HIBCH: variants seen among roughly 807,000 people sequenced by gnomAD.
The protein encoded by HIBCH is 3-hydroxyisobutyryl-CoA hydrolase, also known as 3-hydroxyisobutyryl-CoA hydrolase, mitochondrial.
Under a neutral mutation model 58.2 loss-of-function variants are expected in HIBCH, and 50 were observed. That is an observed-to-expected ratio of 0.86 (90% CI 0.68 to 1.09). The LOEUF is 1.09. Ranked by LOEUF, HIBCH falls within the 50% of genes least tolerant of loss-of-function variation. The pLI, the probability that HIBCH is intolerant of heterozygous loss-of-function variation, is 0.00. For missense variants in HIBCH, 450 were observed against 449.7 expected (o/e 1.00, Z -0.01); for synonymous variants, 151 against 146.9 (o/e 1.03, Z -0.20).
rs377280128 is a variant in HIBCH, at chr2:190,250,842, C to G, written c.664-1116G>C. ...CTCATCAACATAAAAATTTCCACAGCCAATTTATAAAGTTTATGAAGAGAA... is the reference window on the plus strand; with the variant it reads ...CTCATCAACATAAAAATTTCCACAGGCAATTTATAAAGTTTATGAAGAGAA... On this transcript the variant is annotated intron_variant, in intron 8 of 13. Coordinates refer to ENST00000359678, the MANE Select transcript of HIBCH (RefSeq NM_014362.4). Among the ~76,000 whole-genome samples the G allele has an allele frequency of 7.2e-5, 11 of 152,280 alleles. No individual in the cohort carries two copies. The East Asian group carries it at 1.5e-3, about 21-fold the overall frequency.
rs1401357774 is a variant in HIBCH at position 190,294,461 on chromosome 2, T to C, written c.304+85A>G. ...AAAAAGTTCTAAAAAGTAAAGCAAATTATAAATTATTACAAAAATTTGACA... is the reference window on the plus strand; with the variant it reads ...AAAAAGTTCTAAAAAGTAAAGCAAACTATAAATTATTACAAAAATTTGACA... On this transcript the variant is annotated intron_variant, in intron 4 of 13. Coordinates refer to ENST00000359678, the MANE Select transcript of HIBCH (RefSeq NM_014362.4). 9.6e-5 allele frequency: 88 copies of C among 919,222 alleles called. No individual in the cohort carries two copies. In the Admixed American group the frequency reaches 1.6e-3, roughly 17 times the overall value. 56.9% of individuals were successfully genotyped at this position (919,222 alleles called of 1,614,324 possible).
chr2:190,191,475 T>G (rs1348698874), intron 1 of HIBCH, among the ~76,000 whole-genome samples: 1 of 152,186 alleles, frequency 6.6e-6, no homozygotes, highest in East Asian at 1.9e-4. Flanking sequence ...GAACACAAAT[T>G]TTCATGTATC....
At chr2:190,271,127 T>C (rs1044527142) in intron 6 of HIBCH, among the ~76,000 whole-genome samples, 2 of 152,030 alleles carry the variant, frequency 1.3e-5, no homozygotes, top group Non-Finnish European at 2.9e-5. Flanking sequence ...TAGTAAATAG[T>C]GCCACCATTT....
chr2:190,285,749 C>T (rs1687813227), intron 6 of HIBCH, among the ~76,000 whole-genome samples: 1 of 152,152 alleles, frequency 6.6e-6, no homozygotes, highest in Non-Finnish European at 1.5e-5. Context: ...CCCCAAACTA[C>T]GGCCACTTGG....
At chr2:190,270,669 G>T (rs960430330) in intron 6 of HIBCH, among the ~76,000 whole-genome samples, 2 of 152,120 alleles carry the variant, frequency 1.3e-5, no homozygotes, top group Non-Finnish European at 2.9e-5. Flanking sequence ...AATTCAAGTA[G>T]ATTTGTCATC....
At chr2:190,294,670 A>C in intron 3 of HIBCH, 40 bp from the exon 4 acceptor site, 1 of 1,336,610 alleles carries the variant, frequency 7.5e-7, no homozygotes, top group East Asian at 2.3e-5. Flanking sequence ...GCATATTATA[A>C]ACACAAACTC....
At chr2:190,261,526 G>A (rs1160129255) in intron 6 of HIBCH, among the ~76,000 whole-genome samples, 2 of 151,404 alleles carry the variant, frequency 1.3e-5, no homozygotes, top group Non-Finnish European at 2.9e-5. Flanking sequence ...TATCCATTTG[G>A]TAAGTAACCT....
At chr2:190,250,379 C>G (rs1174749540) in intron 8 of HIBCH, 2 of 470,244 alleles carry the variant, frequency 4.3e-6, no homozygotes. Context: ...ACTTACCATA[C>G]TTTACCTCTG....
At chr2:190,260,298 A>T (rs2105950858) in intron 7 of HIBCH, 1 of 152,324 alleles carries the variant, frequency 6.6e-6, no homozygotes, top group South Asian at 2.1e-4. Context: ...ACAATTCAAA[A>T]ATATCATTAA....
At chr2:190,294,016 TTGTG>T (rs374416471) in intron 4 of HIBCH, among the ~76,000 whole-genome samples, 6 of 82,982 alleles carry the variant, frequency 7.2e-5, no homozygotes, top group African/African-American at 3.1e-4. Flanking sequence ...AATATATATT[TTGTG>T]TGTATATATA....
At chr2:190,221,910 C>T (rs1685730267) in intron 11 of HIBCH, among the ~76,000 whole-genome samples, 1 of 152,136 alleles carries the variant, frequency 6.6e-6, no homozygotes, top group African/African-American at 2.4e-5. Context: ...CCTTGAGAGC[C>T]ACTTTCATCA....
At chr2:190,234,556 C>A (rs1686206435) in intron 11 of HIBCH, among the ~76,000 whole-genome samples, 1 of 152,142 alleles carries the variant, frequency 6.6e-6, no homozygotes, top group Non-Finnish European at 1.5e-5. Context: ...CAAAATGATA[C>A]AATTTCATTT....
At chr2:190,195,742 G>C (rs987433060) in intron 1 of HIBCH, among the ~76,000 whole-genome samples, 7 of 152,074 alleles carry the variant, frequency 4.6e-5, no homozygotes, top group African/African-American at 1.7e-4. Flanking sequence ...GTCTTAAACA[G>C]AGCAGTTTTT....
At chr2:190,238,819 G>A (rs764107022) in intron 11 of HIBCH, among the ~76,000 whole-genome samples, 5 of 152,138 alleles carry the variant, frequency 3.3e-5, no homozygotes, top group African/African-American at 7.2e-5. Context: ...TTTTTGATGG[G>A]GTTGTTTTTT....
intron 11 of HIBCH, among the ~76,000 whole-genome samples, chr2:190,233,138 A>G (rs1431160467): frequency 6.6e-6 from 1 of 152,124 alleles, no homozygotes; most frequent in Non-Finnish European, 1.5e-5. Flanking sequence ...TTCATATGTA[A>G]CATGTTTTAT....
intron 11 of HIBCH, among the ~76,000 whole-genome samples, chr2:190,239,218 G>A (rs80273022): frequency 2.0e-5 from 3 of 152,242 alleles, no homozygotes; most frequent in African/African-American, 4.8e-5. Context: ...TATTAAATAC[G>A]GAATCCTTTC....
chr2:190,255,368 T>A (rs374346444), intron 7 of HIBCH, among the ~76,000 whole-genome samples: 6 of 152,182 alleles, frequency 3.9e-5, no homozygotes, highest in Admixed American at 1.3e-4. Context: ...TGCTCTCAGT[T>A]CTTCATGTAG....
chr2:190,258,191 C>T (rs1686982512), intron 7 of HIBCH, among the ~76,000 whole-genome samples: 1 of 152,100 alleles, frequency 6.6e-6, no homozygotes, highest in African/African-American at 2.4e-5. Flanking sequence ...CCTTCACTCT[C>T]CTGCCAGCCA....
rs185096076 is a variant in HIBCH at position 190,211,955 on chromosome 2, T to C, written c.1011+1001A>G. ...GGAATGTGTGAGGTATACAGGAGAG[T>C]GGTCAAGAGTGCAGGCACTGGAGTA... On this transcript the variant is annotated intron_variant, in intron 12 of 13. Coordinates refer to ENST00000359678, the MANE Select transcript of HIBCH (RefSeq NM_014362.4). The surrounding 1 kb of genome is among the most constrained non-coding windows in gnomAD (Gnocchi z 5.0). Among the ~76,000 whole-genome samples, 3 of 151,936 alleles carry C rather than the reference T, an allele frequency of 2.0e-5. No homozygotes were observed. Among genetic ancestry groups the C allele is most frequent in the Non-Finnish European group, 2.9e-5 (2 of 67,956 alleles).
Sources: gnomAD v4.1 joint callset for allele counts (sites outside exome capture counted in the v4.1 genomes callset) on GRCh38, gnomAD v4.1.1 for gene constraint, Gnocchi (gnomAD v3.1) non-coding constraint, MANE v1.5 for transcripts, NCBI Gene and HGNC (gene_info 2026-07-23, HGNC 2026-07-21) for gene names.